STX17: variants seen among roughly 807,000 people sequenced by gnomAD.
The protein encoded by STX17 is syntaxin-17.
In STX17, 29 loss-of-function variants were observed where a neutral mutation model predicts 35.9. That is an observed-to-expected ratio of 0.81 (90% CI 0.60 to 1.10). The LOEUF (loss-of-function observed/expected upper bound fraction) is 1.10. STX17 is among the 50% of genes least tolerant of loss of function. The pLI is 0.00. For missense variants in STX17, 312 were observed against 352.3 expected (o/e 0.89, Z 0.92); for synonymous variants, 92 against 118.3 (o/e 0.78, Z 1.44).
chr9:99,906,950 C>G (rs1564054058), intron 1 of STX17: 1 of 152,302 alleles, frequency 6.6e-6, no homozygotes, highest in Non-Finnish European at 1.5e-5. Flanking sequence ...AGGACGGCCT[C>G]CCGGGGTCGC....
intron 4 of STX17, 86 bp from the exon 5 acceptor site, chr9:99,959,831 G>A: frequency 2.1e-6 from 2 of 940,000 alleles, no homozygotes; most frequent in Non-Finnish European, 3.4e-6. Context: ...ATTTAACGTG[G>A]CATTTGTTTT....
At chr9:99,937,843 A>T (rs921070899) in intron 3 of STX17, 44 of 152,104 alleles carry the variant, frequency 2.9e-4, no homozygotes, top group African/African-American at 9.9e-4. Context: ...TATACATCTT[A>T]TGTTTATATA....
rs1187430828 is a variant in STX17 at position 99,968,700 on chromosome 9, C to CTAT, written c.*27_*28insTAT. ...AACCAAATTTCAGTATTATTGGTGC[C>CTAT]AACATGTCTATCCTGAGGACCTTTG... is the stretch of plus-strand genomic sequence containing the variant. On this transcript the variant is annotated 3_prime_UTR_variant, in exon 8 of 8. Coordinates refer to ENST00000259400, the MANE Select transcript of STX17 (RefSeq NM_017919.3). 1.2e-6 allele frequency: 2 copies of CTAT among 1,602,290 alleles called. No individual in the cohort carries two copies. The highest frequency in any genetic ancestry group is 1.7e-6 in the Non-Finnish European group (2 of 1,174,080).
intron 3 of STX17, among the ~76,000 whole-genome samples, chr9:99,931,566 A>G (rs1587921124): frequency 1.3e-5 from 2 of 149,616 alleles, no homozygotes; most frequent in African/African-American, 2.5e-5. Flanking sequence ...TGTCTATCCC[A>G]TTTGCTTACA....
chr9:99,917,142 G>A (rs911998927), intron 2 of STX17, among the ~76,000 whole-genome samples: 2 of 152,058 alleles, frequency 1.3e-5, no homozygotes, highest in Non-Finnish European at 2.9e-5. Flanking sequence ...GACAGTATCA[G>A]AATAATTATA....
intron 4 of STX17, among the ~76,000 whole-genome samples, chr9:99,959,041 C>T (rs1193342748): frequency 6.6e-6 from 1 of 152,164 alleles, no homozygotes; most frequent in African/African-American, 2.4e-5. Context: ...GCTTTCAACA[C>T]CTTCTGTATC....
intron 1 of STX17, among the ~76,000 whole-genome samples, chr9:99,914,509 G>C (rs1396300469): frequency 6.6e-6 from 1 of 152,140 alleles, no homozygotes; most frequent in Non-Finnish European, 1.5e-5. Context: ...AGTGGAAAAA[G>C]TATTTCAATG....
chr9:99,965,199 C>A (rs1332839970), intron 6 of STX17, among the ~76,000 whole-genome samples: 1 of 152,036 alleles, frequency 6.6e-6, no homozygotes, highest in African/African-American at 2.4e-5. Flanking sequence ...GGTTTTTTGC[C>A]TGTGGTTGCT....
At chr9:99,915,399 C>T (rs199662510) in intron 2 of STX17, 37 bp downstream of exon 2, 220 of 1,565,992 alleles carry the variant, frequency 1.4e-4, no homozygotes, top group Middle Eastern at 1.8e-4. Context: ...GAAATAGTTA[C>T]ATAGTTTGAT....
intron 3 of STX17, among the ~76,000 whole-genome samples, chr9:99,947,373 G>A (rs1311968216): frequency 6.6e-6 from 1 of 152,028 alleles, no homozygotes; most frequent in Non-Finnish European, 1.5e-5. Context: ...TAGTTTTGTA[G>A]ACTACATTTG....
Position 99,971,614 on chromosome 9 carries a change from A to C in STX17, c.*2941A>C, listed in dbSNP as rs1390033646. Among the ~76,000 whole-genome samples the C allele has an allele frequency of 6.6e-6, 1 of 152,164 alleles. No individual in the cohort carries two copies. Among genetic ancestry groups the C allele is most frequent in the East Asian group, 1.9e-4 (1 of 5,194 alleles). ...AAGTAAGGAAACTGGGCTTCAGAGA[A>C]AATAATTTGCAGAGGTTTACTCAAC... On this transcript the variant is annotated 3_prime_UTR_variant, in exon 8 of 8. Coordinates refer to ENST00000259400, the MANE Select transcript of STX17 (RefSeq NM_017919.3).
intron 3 of STX17, among the ~76,000 whole-genome samples, chr9:99,934,411 G>A (rs1829184375): frequency 6.6e-6 from 1 of 152,044 alleles, no homozygotes; most frequent in Non-Finnish European, 1.5e-5. Flanking sequence ...TTTCTCTATT[G>A]ATTTTTACTC....
chr9:99,970,626 G>A lies in STX17; in HGVS notation c.*1953G>A, dbSNP rs553636692. The stretch of plus-strand genomic sequence containing the variant: ...TCCAGGGGTAATTCTGACATCACCC[G>A]TCCAGCATAGTCAGCTGAAATTATA... On this transcript the variant is annotated 3_prime_UTR_variant, in exon 8 of 8. Transcript: ENST00000259400. Among the ~76,000 whole-genome samples, 18 of 152,242 alleles carry A rather than the reference G, an allele frequency of 1.2e-4. No homozygotes were observed. In the South Asian group the frequency reaches 1.5e-3, roughly 12 times the overall value.
intron 2 of STX17, among the ~76,000 whole-genome samples, chr9:99,919,296 G>A (rs1335724907): frequency 6.6e-6 from 1 of 152,052 alleles, no homozygotes; most frequent in East Asian, 1.9e-4. Flanking sequence ...TAGAGACGAG[G>A]TCTCACCATG....
Position 99,953,748 on chromosome 9 carries a change from G to A in STX17, c.415+2463G>A, listed in dbSNP as rs192875888. Among the ~76,000 whole-genome samples, 165 of 152,096 alleles carry A rather than the reference G, an allele frequency of 1.1e-3. 2 individuals are homozygous for A. The highest frequency in any genetic ancestry group is 3.8e-3 in the African/African-American group (159 of 41,532). The stretch of plus-strand genomic sequence containing the variant: ...TCTTTTTGCTACTTAGCTTTGAATT[G>A]CCTATCTCTAGCAATTCCCCTATCA... On this transcript the variant is annotated intron_variant, in intron 4 of 7. Transcript: ENST00000259400.
intron 1 of STX17, among the ~76,000 whole-genome samples, chr9:99,908,886 T>G (rs1352351066): frequency 6.6e-6 from 1 of 152,254 alleles, no homozygotes; most frequent in Non-Finnish European, 1.5e-5. Context: ...TTTCTGTATT[T>G]GTCTATCCAT....
chr9:99,928,271 A>G (rs534554751), intron 2 of STX17, among the ~76,000 whole-genome samples: 135 of 152,182 alleles, frequency 8.9e-4, no homozygotes, highest in African/African-American at 3.2e-3. Context: ...GCCTTGGTAA[A>G]AATTAAAACA....
intron 3 of STX17, among the ~76,000 whole-genome samples, chr9:99,943,004 C>T (rs1231090248): frequency 1.3e-5 from 2 of 152,146 alleles, no homozygotes; most frequent in Non-Finnish European, 2.9e-5. Flanking sequence ...ATAGTCTCAG[C>T]CCTGTGCATT....
chr9:99,941,899 T>C (rs2118435030), intron 3 of STX17, among the ~76,000 whole-genome samples: 1 of 152,330 alleles, frequency 6.6e-6, no homozygotes, highest in Non-Finnish European at 1.5e-5. Flanking sequence ...GGATGGACAT[T>C]TGAGTTGTTC....
Sources: gnomAD v4.1 joint callset for allele counts (sites outside exome capture counted in the v4.1 genomes callset) on GRCh38, gnomAD v4.1.1 for gene constraint, MANE v1.5 for transcripts, NCBI Gene and HGNC (gene_info 2026-07-23, HGNC 2026-07-21) for gene names.